SPRED2: variants seen among roughly 807,000 people sequenced by gnomAD.
SPRED2 encodes the protein sprouty-related, EVH1 domain-containing protein 2.
SPRED2 carries 47 observed loss-of-function variants against 43.0 expected under a neutral mutation model. The observed-to-expected ratio is 1.09, with a 90% CI of 0.87 to 1.40. The LOEUF is 1.40. Among genes scored for constraint, SPRED2 ranks in the 40% most tolerant of loss-of-function variants. The pLI, the probability that SPRED2 is intolerant of heterozygous loss-of-function variation, is 0.00. For missense variants in SPRED2, 561 were observed against 586.4 expected, an observed-to-expected ratio of 0.96 and a Z score of 0.45; for synonymous variants, 225 against 225.7, an observed-to-expected ratio of 1.00 and a Z score of 0.03.
At chr2:65,429,266 T>C (rs1676624186) in intron 1 of SPRED2, among the ~76,000 whole-genome samples, 1 of 152,246 alleles carries the variant, frequency 6.6e-6, no homozygotes, top group Non-Finnish European at 1.5e-5. Flanking sequence ...ACATGTAGAC[T>C]ATCAAGTCTA....
intron 2 of SPRED2, among the ~76,000 whole-genome samples, chr2:65,339,624 G>A (rs1448001256): frequency 6.6e-6 from 1 of 150,508 alleles, no homozygotes; most frequent in Non-Finnish European, 1.5e-5. Flanking sequence ...TCACTTGTTT[G>A]TCTGCTGACC....
In SPRED2 at chr2:65,430,882, G is replaced by C. The variant is rs942022503; in HGVS notation, c.26+1080C>G. Reference sequence around the variant, plus strand: ...TCTTATTCACAAAAAAAAAAAAGTGGCTGGTGGCGGGCACAGCCACTGAGC... The same window carrying C: ...TCTTATTCACAAAAAAAAAAAAGTGCCTGGTGGCGGGCACAGCCACTGAGC... On this transcript the variant is annotated intron_variant, in intron 1 of 5. Transcript: ENST00000356388. Among the ~76,000 whole-genome samples the C allele has an allele frequency of 2.4e-3, 371 of 151,506 alleles. 1 individual carries two copies. Among genetic ancestry groups the C allele is most frequent in the African/African-American group, 8.7e-3 (361 of 41,454 alleles).
chr2:65,402,775 T>A (rs546438552), intron 1 of SPRED2, among the ~76,000 whole-genome samples: 5 of 152,378 alleles, frequency 3.3e-5, no homozygotes, highest in African/African-American at 1.2e-4. Flanking sequence ...AAGAGCTGTG[T>A]CTGAAGAAAT....
At chr2:65,363,000 GTTTTGTTTTTTT>G (rs1347241972) in intron 1 of SPRED2, among the ~76,000 whole-genome samples, 957 of 66,942 alleles carry the variant, frequency 0.014, 22 homozygotes, top group African/African-American at 0.063. Flanking sequence ...TGGTCATCAT[GTTTTGTTTTTTT>G]TTTTTTTTTT....
intron 2 of SPRED2, among the ~76,000 whole-genome samples, chr2:65,341,101 G>C (rs898863683): frequency 2.3e-4 from 17 of 73,620 alleles, no homozygotes; most frequent in Admixed American, 1.8e-3. Context: ...GACTGGGTAC[G>C]GGCGTGTGTG....
At chr2:65,386,631 T>C (rs1675508696) in intron 1 of SPRED2, among the ~76,000 whole-genome samples, 1 of 152,194 alleles carries the variant, frequency 6.6e-6, no homozygotes, top group Non-Finnish European at 1.5e-5. Context: ...ATATACATCA[T>C]CTTCATCCTT....
At position 65,383,753 on chromosome 2, in the gene SPRED2, G is replaced by C. The variant is rs576966538; in HGVS notation, c.27-38857C>G. On this transcript the variant is annotated intron_variant, in intron 1 of 5. Coordinates refer to ENST00000356388, the MANE Select transcript of SPRED2 (RefSeq NM_181784.3). ...GGGCTGGGTAGATAAACATGTACAG[G>C]AAATACTTCTATAGAGGTCTTGATC... 2.0e-5 allele frequency among the ~76,000 whole-genome samples: 3 copies of C among 152,282 alleles called. No homozygotes were observed. In the East Asian group the frequency reaches 5.8e-4, roughly 29 times the overall value.
At chr2:65,388,973 G>C (rs1675569357) in intron 1 of SPRED2, among the ~76,000 whole-genome samples, 1 of 152,194 alleles carries the variant, frequency 6.6e-6, no homozygotes, top group East Asian at 1.9e-4. Flanking sequence ...ACTGGGATTT[G>C]AAAGGTTCAA....
intron 1 of SPRED2, among the ~76,000 whole-genome samples, chr2:65,412,254 A>G (rs1419059338): frequency 1.3e-5 from 2 of 152,234 alleles, no homozygotes; most frequent in Non-Finnish European, 2.9e-5. Flanking sequence ...AATTTCAAAA[A>G]CGCAGATTCC....
At chr2:65,425,566 G>C (rs974411028) in intron 1 of SPRED2, among the ~76,000 whole-genome samples, 2 of 152,214 alleles carry the variant, frequency 1.3e-5, no homozygotes, top group African/African-American at 2.4e-5. Flanking sequence ...AAACTCCCAT[G>C]ATCCTGGCCT....
chr2:65,419,938 G>A (rs1173358707), intron 1 of SPRED2, among the ~76,000 whole-genome samples: 2 of 152,160 alleles, frequency 1.3e-5, no homozygotes, highest in East Asian at 1.9e-4. Flanking sequence ...GGCCAGGCGC[G>A]GTGGCTCACA....
At chr2:65,421,062 G>A (rs980504036) in intron 1 of SPRED2, among the ~76,000 whole-genome samples, 1 of 152,192 alleles carries the variant, frequency 6.6e-6, no homozygotes, top group Admixed American at 6.5e-5. Flanking sequence ...CTGACAGTCA[G>A]ACATTACACA....
intron 2 of SPRED2, among the ~76,000 whole-genome samples, chr2:65,341,872 C>T (rs1335952923): frequency 6.6e-6 from 1 of 151,492 alleles, no homozygotes; most frequent in Non-Finnish European, 1.5e-5. Flanking sequence ...ACAGAATAAC[C>T]CTAAAAACAA....
At chr2:65,317,161 G>A (rs1005357822) in intron 4 of SPRED2, among the ~76,000 whole-genome samples, 2 of 152,078 alleles carry the variant, frequency 1.3e-5, no homozygotes, top group Non-Finnish European at 2.9e-5. Context: ...GACTGGGTGC[G>A]GGGGGAAAGG....
At chr2:65,339,335 G>A (rs1375504820) in intron 2 of SPRED2, among the ~76,000 whole-genome samples, 1 of 152,012 alleles carries the variant, frequency 6.6e-6, no homozygotes, top group African/African-American at 2.4e-5. Flanking sequence ...CCGTGTCTGT[G>A]TAGAAAGAAG....
chr2:65,339,946 A>G (rs1674131686), intron 2 of SPRED2, among the ~76,000 whole-genome samples: 1 of 152,104 alleles, frequency 6.6e-6, no homozygotes, highest in African/African-American at 2.4e-5. Context: ...TATATACTTC[A>G]ACCAAAATAA....
chr2:65,411,687 C>CT (rs1480350565), intron 1 of SPRED2, among the ~76,000 whole-genome samples: 1 of 152,138 alleles, frequency 6.6e-6, no homozygotes, highest in Non-Finnish European at 1.5e-5. Flanking sequence ...ACGCTGGTGA[C>CT]TTGTTGGGTA....
At chr2:65,421,757 T>C (rs1397861512) in intron 1 of SPRED2, among the ~76,000 whole-genome samples, 1 of 152,222 alleles carries the variant, frequency 6.6e-6, no homozygotes, top group Non-Finnish European at 1.5e-5. Flanking sequence ...TGTCACTACA[T>C]AGTTCTGAGG....
chr2:65,335,200 C>T (rs1327393454), intron 2 of SPRED2, among the ~76,000 whole-genome samples: 1 of 152,180 alleles, frequency 6.6e-6, no homozygotes, highest in Non-Finnish European at 1.5e-5. Flanking sequence ...CCTCTCCCAA[C>T]TTCTGGCAAT....
Sources: allele counts gnomAD v4.1 joint callset (sites outside exome capture counted in the v4.1 genomes callset), GRCh38; gene constraint gnomAD v4.1.1; transcripts MANE v1.5; gene names NCBI Gene and HGNC (gene_info 2026-07-23, HGNC 2026-07-21).